Variants in NCOA1 observed in about 807,000 individuals in gnomAD.
The protein encoded by NCOA1 is Hin-2 protein.
Under a neutral mutation model 150.9 loss-of-function variants are expected in NCOA1, and 35 were observed. That is an observed-to-expected ratio of 0.23 (90% CI 0.18 to 0.31). The LOEUF is 0.31. NCOA1 is among the 10% of genes least tolerant of loss of function. The pLI is 1.00. For missense variants in NCOA1, 1,491 were observed against 1,749.3 expected, an observed-to-expected ratio of 0.85 and a Z score of 2.63; for synonymous variants, 590 against 630.0, an observed-to-expected ratio of 0.94 and a Z score of 0.95.
chr2:24,641,021 A>G (rs1388544165), intron 3 of NCOA1, among the ~76,000 whole-genome samples: 2 of 151,922 alleles, frequency 1.3e-5, no homozygotes, highest in Non-Finnish European at 2.9e-5. Context: ...TTAACCAAAC[A>G]TTTTTTAGTA....
At chr2:24,588,124 A>T (rs970672878) in intron 3 of NCOA1, among the ~76,000 whole-genome samples, 1 of 151,786 alleles carries the variant, frequency 6.6e-6, no homozygotes, top group Non-Finnish European at 1.5e-5. Flanking sequence ...TCATTCTGTC[A>T]CCCAGACTGG....
At chr2:24,495,092 G>GTTTT (rs200403397) in intron 1 of NCOA1, among the ~76,000 whole-genome samples, 11 of 103,622 alleles carry the variant, frequency 1.1e-4, no homozygotes, top group Admixed American at 1.9e-4. Flanking sequence ...AGATGAAGGT[G>GTTTT]TTTTTTTTTT....
At chr2:24,734,316 T>A (rs1189128909) in intron 17 of NCOA1, among the ~76,000 whole-genome samples, 1 of 152,164 alleles carries the variant, frequency 6.6e-6, no homozygotes, top group Non-Finnish European at 1.5e-5. Context: ...TGGTTGTCGC[T>A]TGTAAAAAGA....
chr2:24,698,276 G>T (rs1363415648), intron 11 of NCOA1, among the ~76,000 whole-genome samples: 1 of 152,012 alleles, frequency 6.6e-6, no homozygotes, highest in Non-Finnish European at 1.5e-5. Flanking sequence ...GTAATATTTT[G>T]TTTGGCTCTT....
chr2:24,584,815 A>C (rs901003346), intron 3 of NCOA1, among the ~76,000 whole-genome samples: 2 of 152,200 alleles, frequency 1.3e-5, no homozygotes, highest in African/African-American at 4.8e-5. Context: ...CCTAAAGTTC[A>C]CAGACCATTG....
At chr2:24,518,149 G>T (rs1431285363) in intron 1 of NCOA1, among the ~76,000 whole-genome samples, 4 of 152,044 alleles carry the variant, frequency 2.6e-5, no homozygotes, top group African/African-American at 7.2e-5. Flanking sequence ...TATGATTGGG[G>T]TTACCTTGGG....
intron 1 of NCOA1, among the ~76,000 whole-genome samples, chr2:24,525,558 T>C (rs1438129929): frequency 6.6e-6 from 1 of 151,944 alleles, no homozygotes; most frequent in Non-Finnish European, 1.5e-5. Context: ...GTTCTTTTTT[T>C]TTTTTTTTGA....
intron 1 of NCOA1, among the ~76,000 whole-genome samples, chr2:24,509,872 A>G (rs187045818): frequency 6.6e-5 from 10 of 152,218 alleles, no homozygotes; most frequent in Admixed American, 2.0e-4. Context: ...TTAGCTGGGT[A>G]GTGGGTATAT....
intron 1 of NCOA1, among the ~76,000 whole-genome samples, chr2:24,521,389 A>C (rs1572377960): frequency 6.6e-6 from 1 of 151,456 alleles, no homozygotes; most frequent in South Asian, 2.1e-4. Flanking sequence ...CCCCATTCCC[A>C]CCCCTTCCTG....
intron 4 of NCOA1, among the ~76,000 whole-genome samples, chr2:24,646,301 G>A (rs1014851936): frequency 6.6e-6 from 1 of 151,832 alleles, no homozygotes; most frequent in Non-Finnish European, 1.5e-5. Context: ...CTACCATTAC[G>A]ATGACAATGA....
intron 1 of NCOA1, among the ~76,000 whole-genome samples, chr2:24,519,299 C>G (rs1410839908): frequency 6.6e-6 from 1 of 151,912 alleles, no homozygotes; most frequent in Admixed American, 6.6e-5. Flanking sequence ...TTGAAAAAAG[C>G]CAGTCACAAA....
rs1233231476 is a variant in NCOA1, at chr2:24,629,847, TGTA to T, written c.-174-14118_-174-14116del. On this transcript the variant is annotated intron_variant, in intron 3 of 22. Coordinates refer to ENST00000348332, the MANE Select transcript of NCOA1 (RefSeq NM_003743.5). Reference sequence around the variant, plus strand: ...ATATATATATATATATATATATATATGTATTTTTTTTTTTGAGATGGAGTCTCG... The same window carrying T: ...ATATATATATATATATATATATATATTTTTTTTTTTTGAGATGGAGTCTCG... Among the ~76,000 whole-genome samples, 259 of 140,228 alleles carry T rather than the reference TGTA, an allele frequency of 1.8e-3. 6 individuals carry two copies. In the East Asian group the frequency reaches 0.039, roughly 21 times the overall value. 92.0% of individuals were successfully genotyped at this position (140,228 alleles called of 152,430 possible).
intron 1 of NCOA1, among the ~76,000 whole-genome samples, chr2:24,522,414 T>A (rs1414630981): frequency 6.6e-6 from 1 of 152,172 alleles, no homozygotes; most frequent in African/African-American, 2.4e-5. Flanking sequence ...CTCATAAAAA[T>A]GAAGAAAATA....
chr2:24,496,496 G>A (rs1663220670), intron 1 of NCOA1, among the ~76,000 whole-genome samples: 1 of 152,166 alleles, frequency 6.6e-6, no homozygotes, highest in Admixed American at 6.5e-5. Flanking sequence ...CAGCATCAAA[G>A]CTGGTATGTT....
chr2:24,670,197 C>A (rs1671619880), intron 6 of NCOA1, among the ~76,000 whole-genome samples: 1 of 152,148 alleles, frequency 6.6e-6, no homozygotes. Context: ...GCCACACATA[C>A]TTCTGATGGG....
At chr2:24,752,616 C>A (rs1429505694) in intron 20 of NCOA1, among the ~76,000 whole-genome samples, 1 of 152,054 alleles carries the variant, frequency 6.6e-6, no homozygotes, top group Non-Finnish European at 1.5e-5. Flanking sequence ...ACAGAGCTTC[C>A]CTGGGACAGA....
At chr2:24,552,353 A>ATTT (rs869212842) in intron 1 of NCOA1, among the ~76,000 whole-genome samples, 2 of 38,350 alleles carry the variant, frequency 5.2e-5, no homozygotes, top group African/African-American at 2.6e-4. Flanking sequence ...ATATATATAT[A>ATTT]TTTTTTTTTT....
chr2:24,683,654 C>T (rs1248306723), intron 8 of NCOA1, among the ~76,000 whole-genome samples: 1 of 152,150 alleles, frequency 6.6e-6, no homozygotes, highest in Non-Finnish European at 1.5e-5. Context: ...TGCCTTGGGG[C>T]AGGGCTGGGA....
chr2:24,566,369 T>C (rs1280730438), intron 2 of NCOA1, among the ~76,000 whole-genome samples: 1 of 151,694 alleles, frequency 6.6e-6, no homozygotes, highest in Non-Finnish European at 1.5e-5. Flanking sequence ...TGGGCAGCTC[T>C]TCTCCACAAC....
Sources: gnomAD v4.1 joint callset for allele counts (sites outside exome capture counted in the v4.1 genomes callset) on GRCh38, gnomAD v4.1.1 for gene constraint, MANE v1.5 for transcripts, NCBI Gene and HGNC (gene_info 2026-07-23, HGNC 2026-07-21) for gene names.